Variants in KNTC1 observed in about 807,000 individuals in gnomAD.
The protein encoded by KNTC1 is kinetochore associated 1.
In KNTC1, 253 loss-of-function variants were observed where a neutral mutation model predicts 314.4. The observed-to-expected ratio is 0.80, with a 90% CI of 0.73 to 0.89. The LOEUF is 0.89. KNTC1 is among the 40% of genes least tolerant of loss of function. The pLI is 0.00. For synonymous variants in KNTC1, 901 were observed against 901.4 expected, an observed-to-expected ratio of 1.00 and a Z score of 0.01; for missense variants, 2,475 against 2,572.9, an observed-to-expected ratio of 0.96 and a Z score of 0.82.
intron 18 of KNTC1, among the ~76,000 whole-genome samples, chr12:122,558,876 CAAAA>C (rs1395644755): frequency 6.6e-6 from 1 of 152,046 alleles, no homozygotes; most frequent in Non-Finnish European, 1.5e-5. Flanking sequence ...TATCAAAAAA[CAAAA>C]GAAAACAAAA....
In KNTC1 at chr12:122,584,442, G is replaced by A. The variant is rs748371320; in HGVS notation, c.3428G>A (p.Cys1143Tyr). The A allele has an allele frequency of 6.2e-7, 1 of 1,606,528 alleles. No individual in the cohort carries two copies. The highest frequency in any genetic ancestry group is 8.5e-7 in the Non-Finnish European group (1 of 1,175,450). The change falls in exon 35 of 64, where the codon TGC (cysteine) becomes TAC (tyrosine). Residue 1143 changes from cysteine to tyrosine, a missense_variant. By Grantham distance (194) the Cys-to-Tyr change is radical (BLOSUM62 -2). Transcript: ENST00000333479. ...CTAGCAAGCCAAGCTGCCACCATTT[G>A]CAGTCCAGGTGACAATATTTATAAT... is the stretch of plus-strand genomic sequence containing the variant. ...HDLASQAATI[C>Y]SPDFLLDALE...
chr12:122,606,101 G>T (rs941352505), intron 51 of KNTC1, among the ~76,000 whole-genome samples: 1 of 151,560 alleles, frequency 6.6e-6, no homozygotes, highest in Non-Finnish European at 1.5e-5. Context: ...GGCCTCAAGT[G>T]ATCCTCCCGC....
Position 122,613,143 on chromosome 12 carries a change from A to G in KNTC1, c.5654A>G (p.His1885Arg), listed in dbSNP as rs1873366239. 5.0e-6 allele frequency: 8 copies of G among 1,613,532 alleles called. No individual in the cohort carries two copies. Among genetic ancestry groups the G allele is most frequent in the East Asian group, 4.5e-5 (2 of 44,870 alleles). ...GGTATGCATCAGTTAACTTTTGCCC[A>G]TAGAACTCGAGCTCTTCAGTGTCTC... ...TLGMHQLTFA[H>R]RTRALQCLFY... The change falls in exon 54 of 64, where the codon CAT (histidine) becomes CGT (arginine). Residue 1885 changes from histidine to arginine, a missense_variant. His to Arg is a conservative substitution (Grantham distance 29, BLOSUM62 0). Coordinates refer to ENST00000333479, the MANE Select transcript of KNTC1 (RefSeq NM_014708.6).
rs10719316 is a variant in KNTC1 at position 122,620,168 on chromosome 12, CAAAA to C, written c.6150-296_6150-293del. 69 of 99,416 alleles carry C rather than the reference CAAAA, an allele frequency of 6.9e-4. No individual in the cohort carries two copies. The Middle Eastern group carries it at 0.019, about 28-fold the overall frequency. The allele number at this position is 99,416 out of a possible 1,614,324, so 6.2% of individuals were successfully genotyped here. ...TGGGTGACAGAGCTAGACTGTTTCT[CAAAA>C]AAAAAAAAAAAAAAGGTTTTGAGTC... On this transcript the variant is annotated intron_variant, in intron 59 of 63. Transcript: ENST00000333479.
chr12:122,625,008 C>T (rs571756398), intron 63 of KNTC1, among the ~76,000 whole-genome samples: 11 of 152,250 alleles, frequency 7.2e-5, no homozygotes, highest in Admixed American at 7.2e-4. Context: ...AGGTGAAAAA[C>T]TGAATTCTAA....
intron 30 of KNTC1, 68 bp downstream of exon 30, chr12:122,577,097 A>G (rs780854727): frequency 1.1e-5 from 14 of 1,278,070 alleles, no homozygotes; most frequent in Non-Finnish European, 1.5e-5. Context: ...TTGTTTTTTG[A>G]GACAGGGTCT....
chr12:122,604,715 G>T (rs528222755), intron 49 of KNTC1, 78 bp downstream of exon 49: 3 of 1,240,114 alleles, frequency 2.4e-6, no homozygotes, highest in Middle Eastern at 1.9e-4. Context: ...TTCTCATGCT[G>T]CCCTGGTGCC....
chr12:122,555,437 A>G (rs1246080964), intron 16 of KNTC1, among the ~76,000 whole-genome samples: 1 of 152,194 alleles, frequency 6.6e-6, no homozygotes, highest in Non-Finnish European at 1.5e-5. Context: ...CTGTTGTCCC[A>G]GTTACTCGGG....
In KNTC1 at chr12:122,590,604, T is replaced by C. The variant is rs913713011; in HGVS notation, c.4000-3T>C. ...TGCTTCTTTTGCTGGTTTCTTCCTGTAGGTATTTAATTGTCGCTTGGTAGA... is the reference window on the plus strand; with the variant it reads ...TGCTTCTTTTGCTGGTTTCTTCCTGCAGGTATTTAATTGTCGCTTGGTAGA... On this transcript the variant is annotated splice_region_variant and splice_polypyrimidine_tract_variant and intron_variant, in intron 40 of 63. Coordinates refer to ENST00000333479, the MANE Select transcript of KNTC1 (RefSeq NM_014708.6). 3 of 1,609,422 alleles carry C rather than the reference T, an allele frequency of 1.9e-6. No individual in the cohort carries two copies. In the African/African-American group the frequency reaches 4.0e-5, roughly 22 times the overall value.
intron 18 of KNTC1, among the ~76,000 whole-genome samples, chr12:122,560,144 A>T (rs758344425): frequency 6.6e-6 from 1 of 152,204 alleles, no homozygotes; most frequent in African/African-American, 2.4e-5. Context: ...TTCACTTAGC[A>T]TAATATCCTC....
intron 41 of KNTC1, 50 bp downstream of exon 41, chr12:122,590,785 G>C (rs771461369): frequency 1.4e-5 from 22 of 1,560,016 alleles, no homozygotes; most frequent in Admixed American, 7.4e-5. Context: ...TCAAGATTGG[G>C]GGGGAGAAAT....
rs1174622937 is a variant in KNTC1, at chr12:122,572,841, A to C, written c.2020-96A>C. On this transcript the variant is annotated intron_variant, in intron 24 of 63. Transcript: ENST00000333479. ...CAGGTTTCCTCTTACGTGCATAACC[A>C]GGGTTAATTCTTATTTTATCTGAAA... The C allele has an allele frequency of 4.0e-6, 4 of 1,011,174 alleles. No homozygotes were observed. The African/African-American group carries it at 6.5e-5, about 16-fold the overall frequency. The allele number at this position is 1,011,174 out of a possible 1,614,324, so 62.6% of individuals were successfully genotyped here.
At chr12:122,533,303 A>T (rs1284210261) in intron 2 of KNTC1, among the ~76,000 whole-genome samples, 1 of 151,906 alleles carries the variant, frequency 6.6e-6, no homozygotes, top group Non-Finnish European at 1.5e-5. Context: ...AGTAGCTGGG[A>T]TTACATGCGT....
At chr12:122,587,388 A>G (rs943240337) in intron 38 of KNTC1, among the ~76,000 whole-genome samples, 2 of 152,196 alleles carry the variant, frequency 1.3e-5, no homozygotes, top group South Asian at 2.1e-4. Flanking sequence ...TTATTTGTTT[A>G]AAAGTTCAGT....
At chr12:122,554,933 T>C (rs1963476626) in intron 16 of KNTC1, among the ~76,000 whole-genome samples, 1 of 152,154 alleles carries the variant, frequency 6.6e-6, no homozygotes, top group Admixed American at 6.6e-5. Context: ...TAGTCCCAGC[T>C]ACTTGAGATG....
chr12:122,551,147 T>TA (rs1555224277), intron 13 of KNTC1, among the ~76,000 whole-genome samples, 172 bp from the exon 14 acceptor site: 5,369 of 120,780 alleles, frequency 0.044, 338 homozygotes, highest in African/African-American at 0.2. Context: ...TTTTTCCCAG[T>TA]GTTTTTTTTT....
At chr12:122,575,710 C>T (rs936465463) in intron 28 of KNTC1, 64 bp downstream of exon 28, 16 of 1,475,558 alleles carry the variant, frequency 1.1e-5, no homozygotes, top group Admixed American at 7.5e-5. Context: ...TTTGAGTTGA[C>T]GTTCATTTAT....
chr12:122,560,703 C>A (rs995488166), intron 18 of KNTC1, among the ~76,000 whole-genome samples: 3 of 152,138 alleles, frequency 2.0e-5, no homozygotes, highest in African/African-American at 7.2e-5. Context: ...TAAGGAACTA[C>A]CATGTTTTCC....
At chr12:122,559,126 A>C (rs185876183) in intron 18 of KNTC1, among the ~76,000 whole-genome samples, 87 of 152,234 alleles carry the variant, frequency 5.7e-4, no homozygotes, top group African/African-American at 2.0e-3. Flanking sequence ...AGGTGGGCAG[A>C]TCACGAGGTC....
Sources: allele counts gnomAD v4.1 joint callset (sites outside exome capture counted in the v4.1 genomes callset), GRCh38; gene constraint gnomAD v4.1.1; transcripts MANE v1.5; gene names NCBI Gene and HGNC (gene_info 2026-07-23, HGNC 2026-07-21).